Variants in CLEC16A observed in about 807,000 individuals in gnomAD.
CLEC16A encodes protein CLEC16A.
In CLEC16A, 51 loss-of-function variants were observed where a neutral mutation model predicts 109.5. The ratio of observed to expected loss-of-function variants is 0.47; its 90% confidence interval spans 0.37 to 0.59. The LOEUF (loss-of-function observed/expected upper bound fraction) is 0.59, where lower values mean the gene tolerates loss of function less well. CLEC16A is among the 20% of genes least tolerant of loss of function. CLEC16A has a pLI of 0.00. For synonymous variants in CLEC16A, 673 were observed against 564.2 expected, an observed-to-expected ratio of 1.19 and a Z score of -2.73; for missense variants, 1,339 against 1,394.0, an observed-to-expected ratio of 0.96 and a Z score of 0.63.
chr16:11,042,469 C>T (rs1048497232), intron 15 of CLEC16A, 106 bp downstream of exon 15: 23 of 796,458 alleles, frequency 2.9e-5, no homozygotes, highest in South Asian at 1.7e-4. Context: ...GTGGTGTCAT[C>T]GGTCACCAGC....
intron 12 of CLEC16A, among the ~76,000 whole-genome samples, chr16:11,022,902 A>AAAAT (rs2046197300): frequency 7.0e-6 from 1 of 143,026 alleles, no homozygotes; most frequent in Non-Finnish European, 1.5e-5. Context: ...CCATCTCAAA[A>AAAAT]ATATATATAT....
At chr16:11,071,082 A>T (rs1166254222) in intron 19 of CLEC16A, 2 of 152,198 alleles carry the variant, frequency 1.3e-5, no homozygotes, top group Admixed American at 6.5e-5. Flanking sequence ...GGCTATTTTC[A>T]TCGGATTGCC....
At chr16:11,140,579 G>A (rs9928747) in intron 22 of CLEC16A, among the ~76,000 whole-genome samples, 9,285 of 152,160 alleles carry the variant, frequency 0.061, 975 homozygotes, top group African/African-American at 0.21. Flanking sequence ...AAGAACAAAT[G>A]CAGAATCTGG....
rs927642733 is a variant in CLEC16A at position 10,983,012 on chromosome 16, C to T, written c.1071+21C>T. ...GTTCTGTAAGTCATTAGCTTCGGGA[C>T]TGACCTTAACAGGAAACCATTGCTC... On this transcript the variant is annotated intron_variant, in intron 10 of 23. Coordinates refer to ENST00000409790, the MANE Select transcript of CLEC16A (RefSeq NM_015226.3). 5 of 1,310,288 alleles carry T rather than the reference C, an allele frequency of 3.8e-6. No homozygotes were observed. The African/African-American group carries it at 5.8e-5, about 15-fold the overall frequency. The allele number at this position is 1,310,288 out of a possible 1,614,324, so 81.2% of individuals were successfully genotyped here. A position where few individuals can be genotyped will look rare whatever the true frequency, so the allele number is the denominator to read the frequency against.
At chr16:10,993,269 C>T (rs1332475566) in intron 10 of CLEC16A, among the ~76,000 whole-genome samples, 1 of 152,098 alleles carries the variant, frequency 6.6e-6, no homozygotes, top group Non-Finnish European at 1.5e-5. Flanking sequence ...ATTCCAGCTA[C>T]TCAGGAGGCT....
In CLEC16A at chr16:10,962,516, C is replaced by A; in HGVS notation, c.271C>A (p.Arg91Ser). 1 of 1,613,906 alleles carries A rather than the reference C, an allele frequency of 6.2e-7. No homozygotes were observed. The highest frequency in any genetic ancestry group is 8.5e-7 in the Non-Finnish European group (1 of 1,179,872). Residue 91 changes from arginine (R) to serine (S), a missense_variant, in exon 3 of 24, where the codon CGT becomes AGT. Physicochemically the swap from Arg to Ser is moderately radical, Grantham distance 110 (BLOSUM62 -1). Around this residue, in one of 3 missense-constraint regions of CLEC16A, gnomAD observed 117 missense variants for 120.2 expected, o/e 0.97. Transcript: ENST00000409790. ...GAACATCTTGCGGCAAAAGTCGGGC[C>A]GTTACGTGTGCGTTCAGCTGCTGCA... Reference protein sequence around the residue: ...FLNILRQKSGRYVCVQLLQTL... With the variant: ...FLNILRQKSGSYVCVQLLQTL...
At position 10,971,223 on chromosome 16, in the gene CLEC16A, C is replaced by T; in HGVS notation, c.591C>T (p.Val197=). ...RIAVRTITLN[V]YKVSLDNQAM... is the part of the protein sequence containing the mutation. ...CTGTAAGAACCATAACTTTGAATGT[C>T]TATAAAGGTAAGTGTCCTCATGGGC... The change falls in exon 5 of 24, where the codon GTC becomes GTT. Residue 197 remains valine, a synonymous_variant. Transcript: ENST00000409790. 1 of 1,609,776 alleles carries T rather than the reference C, an allele frequency of 6.2e-7. No homozygotes were observed. The highest frequency in any genetic ancestry group is 8.5e-7 in the Non-Finnish European group (1 of 1,176,546).
At chr16:11,003,012 G>A in intron 10 of CLEC16A, 62 bp from the exon 11 acceptor site, 1 of 1,374,220 alleles carries the variant, frequency 7.3e-7, no homozygotes, top group Non-Finnish European at 9.9e-7. Flanking sequence ...TGGGCAACTT[G>A]ATAGCATCCA....
intron 10 of CLEC16A, among the ~76,000 whole-genome samples, chr16:10,995,737 G>A (rs189024876): frequency 4.6e-5 from 7 of 152,262 alleles, no homozygotes; most frequent in Admixed American, 4.6e-4. Context: ...GGTCAGGGTC[G>A]CTTGGCTAGT....
chr16:11,120,601 C>G lies in CLEC16A; in HGVS notation c.2117-14C>G. The G allele has an allele frequency of 6.2e-7, 1 of 1,601,734 alleles. No individual in the cohort carries two copies. Among genetic ancestry groups the G allele is most frequent in the South Asian group, 1.1e-5 (1 of 88,992 alleles). Reference sequence around the variant, plus strand: ...AGACTGTGCCTCATTCTCTTCTCACCTTCCTCCTCCCAGATAACAGCGACT... The same window carrying G: ...AGACTGTGCCTCATTCTCTTCTCACGTTCCTCCTCCCAGATAACAGCGACT... On this transcript the variant is annotated splice_polypyrimidine_tract_variant and intron_variant, in intron 19 of 23. Coordinates refer to ENST00000409790, the MANE Select transcript of CLEC16A (RefSeq NM_015226.3).
chr16:11,154,890 G>A (rs1247208192), intron 22 of CLEC16A, among the ~76,000 whole-genome samples: 3 of 152,098 alleles, frequency 2.0e-5, no homozygotes, highest in Non-Finnish European at 4.4e-5. Flanking sequence ...TCGTGCCATT[G>A]CACTCCAGTC....
At chr16:10,976,683 C>G (rs890098750) in intron 7 of CLEC16A, among the ~76,000 whole-genome samples, 7 of 152,192 alleles carry the variant, frequency 4.6e-5, no homozygotes, top group African/African-American at 1.7e-4. Flanking sequence ...TGACTCCACC[C>G]AAGAGACATT....
intron 22 of CLEC16A, among the ~76,000 whole-genome samples, chr16:11,165,095 C>G (rs1445308090): frequency 6.6e-6 from 1 of 152,174 alleles, no homozygotes; most frequent in African/African-American, 2.4e-5. Flanking sequence ...ACCATGGGTC[C>G]TGCTTGGCTC....
At chr16:10,948,134 CTG>C (rs1567485633) in intron 1 of CLEC16A, among the ~76,000 whole-genome samples, 1 of 152,192 alleles carries the variant, frequency 6.6e-6, no homozygotes, top group African/African-American at 2.4e-5. Context: ...ACCTTGTGAT[CTG>C]CCCTCCTTGA....
At position 11,042,340 on chromosome 16, in the gene CLEC16A, G is replaced by A. The variant is rs1357321526; in HGVS notation, c.1747G>A (p.Asp583Asn). The A allele has an allele frequency of 1.3e-6, 2 of 1,589,884 alleles. No individual in the cohort carries two copies. The highest frequency in any genetic ancestry group is 1.2e-5 in the South Asian group (1 of 86,852). The change falls in exon 15 of 24, where the codon GAC (aspartate) becomes AAC (asparagine). Residue 583 changes from aspartate (D) to asparagine (N), a missense_variant. By Grantham distance (23) the Asp-to-Asn change is conservative. Transcript: ENST00000409790. ...GATGAGTGCTGGCTGCATCATGAAG[G>A]ACGTGCACCTGGCCTGCCTGGAGGT... ...VLMSAGCIMK[D>N]VHLACLEGAR...
At chr16:11,034,310 C>G (rs1405082174) in intron 13 of CLEC16A, among the ~76,000 whole-genome samples, 1 of 152,154 alleles carries the variant, frequency 6.6e-6, no homozygotes, top group Admixed American at 6.5e-5. Flanking sequence ...GCCAAGGAGA[C>G]TTTGTGTGGT....
At chr16:11,080,778 A>G (rs1029432191) in intron 19 of CLEC16A, among the ~76,000 whole-genome samples, 1 of 152,178 alleles carries the variant, frequency 6.6e-6, no homozygotes, top group East Asian at 1.9e-4. Flanking sequence ...CTCACACTGC[A>G]TCACTCTCAC....
At chr16:11,131,269 C>T (rs922222103) in intron 22 of CLEC16A, among the ~76,000 whole-genome samples, 1 of 152,214 alleles carries the variant, frequency 6.6e-6, no homozygotes, top group Admixed American at 6.5e-5. Flanking sequence ...ATGGCAACAG[C>T]TGCTTCTAGA....
intron 22 of CLEC16A, chr16:11,149,836 C>T (rs1338870643): frequency 6.6e-6 from 1 of 151,900 alleles, no homozygotes; most frequent in Non-Finnish European, 1.5e-5. Context: ...AAGACCCCAT[C>T]AGTTACCACC....
Sources: allele counts gnomAD v4.1 joint callset (sites outside exome capture counted in the v4.1 genomes callset), GRCh38; gene constraint gnomAD v4.1.1; regional missense constraint gnomAD v4.1.1; transcripts MANE v1.5; gene names NCBI Gene and HGNC (gene_info 2026-07-23, HGNC 2026-07-21).